Variants in DCT observed in about 807,000 individuals in gnomAD.
The protein encoded by DCT is L-dopachrome tautomerase.
In DCT, 47 loss-of-function variants were observed where a neutral mutation model predicts 53.0. That is an observed-to-expected ratio of 0.89 (90% CI 0.70 to 1.13). DCT has a LOEUF of 1.13. Ranked by LOEUF, DCT falls within the 50% of genes most tolerant of loss-of-function variation. The pLI, the probability that DCT is intolerant of heterozygous loss-of-function variation, is 0.00. For synonymous variants in DCT, 244 were observed against 237.0 expected, an observed-to-expected ratio of 1.03 and a Z score of -0.27; for missense variants, 669 against 637.4, an observed-to-expected ratio of 1.05 and a Z score of -0.53.
chr13:94,509,199 A>G, the DCT span, among the ~76,000 whole-genome samples: 4 of 152,168 alleles, frequency 2.6e-5, no homozygotes, highest in Admixed American at 1.3e-4. Context: ...AAACTATGAG[A>G]TCTAAAATTT....
chr13:94,510,252 T>C, the DCT span, among the ~76,000 whole-genome samples: 1 of 152,160 alleles, frequency 6.6e-6, no homozygotes, highest in Non-Finnish European at 1.5e-5. Flanking sequence ...ACCTGCAGGT[T>C]TCCTGATATA....
chr13:94,493,116 C>T, the DCT span, among the ~76,000 whole-genome samples: 2 of 151,962 alleles, frequency 1.3e-5, no homozygotes, highest in East Asian at 1.9e-4. Context: ...AACATGACCC[C>T]GAAGAAAAGA....
chr13:94,480,398 C>A (rs1387093164), upstream of DCT, among the ~76,000 whole-genome samples: 1 of 152,178 alleles, frequency 6.6e-6, no homozygotes, highest in Non-Finnish European at 1.5e-5. Context: ...GGCCACCTGT[C>A]AGAACATCCA....
intron 1 of DCT, among the ~76,000 whole-genome samples, chr13:94,472,531 TATATATATATATATATATATATATATATA>T (rs1884728830): frequency 6.3e-5 from 1 of 15,802 alleles, no homozygotes; most frequent in African/African-American, 3.4e-4. Context: ...CATATATATA[TATATATATATATATATATATATATATATA>T]TATATATATT....
chr13:94,544,365 G>A, the DCT span, among the ~76,000 whole-genome samples: 2 of 152,128 alleles, frequency 1.3e-5, no homozygotes, highest in African/African-American at 4.8e-5. Context: ...TGAAATACGT[G>A]GGGAAAGCGG....
chr13:94,484,121 C>CT (rs1885562841), upstream of DCT, among the ~76,000 whole-genome samples: 2 of 152,212 alleles, frequency 1.3e-5, no homozygotes, highest in Non-Finnish European at 2.9e-5. Context: ...GTGCTGTACA[C>CT]TGTGTTCACT....
intron 1 of DCT, among the ~76,000 whole-genome samples, chr13:94,478,438 T>C (rs1444378992): frequency 6.6e-6 from 1 of 151,752 alleles, no homozygotes. Context: ...GATAGCACCA[T>C]TGCACTCCAG....
chr13:94,463,913 G>A (rs1264405936), intron 4 of DCT, among the ~76,000 whole-genome samples: 1 of 152,186 alleles, frequency 6.6e-6, no homozygotes, highest in East Asian at 1.9e-4. Context: ...TGAAGTAAGA[G>A]TTCCAGGGTT....
At chr13:94,548,216 G>A in the DCT span, among the ~76,000 whole-genome samples, 33 of 151,862 alleles carry the variant, frequency 2.2e-4, no homozygotes, top group Middle Eastern at 3.2e-3. Context: ...ACCCTGGAAA[G>A]GCTGTTATGT....
the DCT span, among the ~76,000 whole-genome samples, chr13:94,521,761 T>C: frequency 6.6e-6 from 1 of 152,360 alleles, no homozygotes; most frequent in East Asian, 1.9e-4. Flanking sequence ...TAAGATATAA[T>C]TCACAAACCA....
the DCT span, among the ~76,000 whole-genome samples, chr13:94,504,656 A>C: frequency 2.0e-5 from 3 of 152,296 alleles, no homozygotes; most frequent in Middle Eastern, 3.4e-3. Context: ...GGGGTGAGCC[A>C]CTGCACCTGG....
the DCT span, among the ~76,000 whole-genome samples, chr13:94,496,646 G>A: frequency 0.011 from 1,615 of 152,262 alleles, 23 homozygotes; most frequent in African/African-American, 0.037. Flanking sequence ...CGTGAAGGAA[G>A]ATATTTATGT....
chr13:94,436,978 G>A lies in DCT; in HGVS notation c.*2920C>T, dbSNP rs1394510308. 1.3e-5 allele frequency: 2 copies of A among 152,142 alleles called. No homozygotes were observed. Among genetic ancestry groups the A allele is most frequent in the African/African-American group, 4.8e-5 (2 of 41,426 alleles). The allele number at this position is 152,142 out of a possible 1,614,324, so 9.4% of individuals were successfully genotyped here. The stretch of plus-strand genomic sequence containing the variant: ...GGAGATCACCAAGTTAGCTACTGCA[G>A]GACCTCTCTTCCCTGGTCAGTCACT... On this transcript the variant is annotated 3_prime_UTR_variant, in exon 8 of 8. Coordinates refer to ENST00000377028, the MANE Select transcript of DCT (RefSeq NM_001922.5).
At chr13:94,472,446 T>TA (rs533410832) in intron 1 of DCT, among the ~76,000 whole-genome samples, 1 of 145,546 alleles carries the variant, frequency 6.9e-6, no homozygotes, top group South Asian at 2.2e-4. Flanking sequence ...TTTTATGTTA[T>TA]AAAAAACAAG....
chr13:94,470,315 C>T (rs1370935873), intron 1 of DCT, among the ~76,000 whole-genome samples: 1 of 152,128 alleles, frequency 6.6e-6, no homozygotes, highest in East Asian at 1.9e-4. Context: ...CTGTCAGCTG[C>T]ACAAAGCTCC....
chr13:94,443,484 A>C lies in DCT; in HGVS notation c.1333T>G (p.Phe445Val), dbSNP rs1437091791. The change falls in exon 7 of 8, where the codon TTT (phenylalanine) becomes GTT (valine). Residue 445 changes from phenylalanine to valine, a missense_variant. Coordinates refer to ENST00000377028, the MANE Select transcript of DCT (RefSeq NM_001922.5). The part of the protein sequence containing the change: ...FFPPVTNEEL[F>V]LTSDQLGYSY... ...TAGCCAAGTTGGTCTGAGGTTAAAA[A>C]GAGTTCTTCATTAGTCACTGGAGGG... The C allele has an allele frequency of 3.1e-6, 5 of 1,614,018 alleles. No homozygotes were observed. The highest frequency in any genetic ancestry group is 4.2e-6 in the Non-Finnish European group (5 of 1,179,998).
Position 94,465,711 on chromosome 13 carries a change from A to G in DCT, c.785T>C (p.Phe262Ser), listed in dbSNP as rs1884140758. The change falls in exon 4 of 8, where the codon TTT becomes TCT. Residue 262 changes from phenylalanine (F) to serine (S), a missense_variant. Coordinates refer to ENST00000377028, the MANE Select transcript of DCT (RefSeq NM_001922.5). ...CGGATCGTCTGGTCTCGCTGCCCCAAACAGCTGGTCTGTACACACATCACA... is the reference window on the plus strand; with the variant it reads ...CGGATCGTCTGGTCTCGCTGCCCCAGACAGCTGGTCTGTACACACATCACA... ...NECDVCTDQL[F>S]GAARPDDPTL... is the part of the protein sequence containing the mutation. The G allele has an allele frequency of 6.2e-7, 1 of 1,613,418 alleles. No individual in the cohort carries two copies. Among genetic ancestry groups the G allele is most frequent in the Non-Finnish European group, 8.5e-7 (1 of 1,179,868 alleles).
At chr13:94,524,334 C>T in the DCT span, among the ~76,000 whole-genome samples, 483 of 152,328 alleles carry the variant, frequency 3.2e-3, 2 homozygotes, top group African/African-American at 0.011. Context: ...CTGTGGCTAC[C>T]GCCTTATGTC....
the DCT span, among the ~76,000 whole-genome samples, chr13:94,498,781 G>T: frequency 6.6e-6 from 1 of 152,194 alleles, no homozygotes; most frequent in Non-Finnish European, 1.5e-5. Context: ...TCAGTGCTCT[G>T]TGTCTAGCTA....
Sources: allele counts gnomAD v4.1 joint callset (sites outside exome capture counted in the v4.1 genomes callset), GRCh38; gene constraint gnomAD v4.1.1; transcripts MANE v1.5; gene names NCBI Gene and HGNC (gene_info 2026-07-23, HGNC 2026-07-21).